The following TXNRD1 variants were observed in gnomAD, a reference collection of about 807,000 sequenced individuals.
The protein encoded by TXNRD1 is thioredoxin reductase 1.
Under a neutral mutation model 80.3 loss-of-function variants are expected in TXNRD1, and 57 were observed. That is an observed-to-expected ratio of 0.71 (90% CI 0.57 to 0.89). The LOEUF is 0.89. Among genes scored for constraint, TXNRD1 ranks in the 40% least tolerant of loss-of-function variants. The pLI is 0.00. For missense variants in TXNRD1, 730 were observed against 803.0 expected (o/e 0.91, Z 1.10); for synonymous variants, 291 against 285.2 (o/e 1.02, Z -0.20).
chr12:104,341,998 G>T lies in TXNRD1; in HGVS notation c.1881+2725G>T, dbSNP rs990133222. Among the ~76,000 whole-genome samples, 37 of 152,126 alleles carry T rather than the reference G, an allele frequency of 2.4e-4. 2 individuals are homozygous for T. Among genetic ancestry groups the T allele is most frequent in the Non-Finnish European group, 1.5e-5 (1 of 68,020 alleles). On this transcript the variant is annotated intron_variant, in intron 16 of 16. Transcript: ENST00000525566. ...GAGATACACAGGGCAAGGTGGTTGT[G>T]GGGAGGCGGGGGACAACAGAGCTTC...
rs751247196 is a variant in TXNRD1 at position 104,251,583 on chromosome 12, A to G, written c.148A>G (p.Thr50Ala). 1.2e-6 allele frequency: 2 copies of G among 1,613,958 alleles called. No individual in the cohort carries two copies. The highest frequency in any genetic ancestry group is 1.3e-5 in the African/African-American group (1 of 75,052). Residue 50 changes from threonine to alanine, a missense_variant, in exon 2 of 17, where the codon ACG becomes GCG. Thr to Ala is a moderately conservative substitution (Grantham distance 58). Transcript: ENST00000525566. ...LPENPAGFTS[T>A]ATADSRALLQ... Reference sequence around the variant, plus strand: ...AGAGAACCCAGCAGGATTCACCAGCACGGCCACTGCAGACTCCAGAGCCCT... The same window carrying G: ...AGAGAACCCAGCAGGATTCACCAGCGCGGCCACTGCAGACTCCAGAGCCCT...
At chr12:104,304,014 TC>T (rs2034766590) in intron 4 of TXNRD1, 2 of 1,611,852 alleles carry the variant, frequency 1.2e-6, no homozygotes, top group Admixed American at 1.7e-5. Context: ...GACCCAAAGC[TC>T]CTGGAGCTCA....
At chr12:104,301,352 T>C (rs1296017717) in intron 4 of TXNRD1, among the ~76,000 whole-genome samples, 2 of 152,162 alleles carry the variant, frequency 1.3e-5, no homozygotes, top group African/African-American at 4.8e-5. Context: ...TGAATTTTTT[T>C]TTTGAGATGG....
At chr12:104,310,312 G>A (rs2035090907) in intron 4 of TXNRD1, among the ~76,000 whole-genome samples, 1 of 152,050 alleles carries the variant, frequency 6.6e-6, no homozygotes, top group African/African-American at 2.4e-5. Flanking sequence ...ACTACACCTG[G>A]CTAATTTTTG....
At chr12:104,325,529 G>A in intron 11 of TXNRD1, 100 bp downstream of exon 11, 1 of 850,974 alleles carries the variant, frequency 1.2e-6, no homozygotes, top group Non-Finnish European at 1.9e-6. Context: ...ATTTCCAAAT[G>A]TACTGGTTCT....
chr12:104,226,323 A>C (rs1452096264), intron 1 of TXNRD1, among the ~76,000 whole-genome samples: 3 of 152,236 alleles, frequency 2.0e-5, no homozygotes, highest in Non-Finnish European at 4.4e-5. Context: ...CTTAGGTTGT[A>C]GATGCTGAAC....
At chr12:104,346,027 A>G in intron 16 of TXNRD1, 1 of 1,283,520 alleles carries the variant, frequency 7.8e-7, no homozygotes, top group Non-Finnish European at 1.0e-6. Flanking sequence ...AGTTTTTTTC[A>G]TTTATTTGAG....
chr12:104,233,528 T>C (rs954367098), intron 1 of TXNRD1, among the ~76,000 whole-genome samples: 4 of 152,184 alleles, frequency 2.6e-5, no homozygotes, highest in Admixed American at 6.5e-5. Flanking sequence ...TATACCTTAC[T>C]CATTTTTTTC....
Position 104,267,647 on chromosome 12 carries a change from A to ATCTTTCCTTCTT in TXNRD1, c.304+9574_304+9575insCTTCTTTCTTTC, listed in dbSNP as rs1555209253. The stretch of plus-strand genomic sequence containing the variant: ...GATAGGTGTTCCTAGATGTGATGGT[A>ATCTTTCCTTCTT]TCTTTCTTTCTTTCTTTCTTTCTTT... On this transcript the variant is annotated intron_variant, in intron 3 of 16. Coordinates refer to ENST00000525566, the MANE Select transcript of TXNRD1 (RefSeq NM_001093771.3). Among the ~76,000 whole-genome samples the ATCTTTCCTTCTT allele has an allele frequency of 2.2e-3, 304 of 140,448 alleles. 3 individuals are homozygous for ATCTTTCCTTCTT. The highest frequency in any genetic ancestry group is 5.5e-3 in the South Asian group (23 of 4,214). The allele number at this position is 140,448 out of a possible 152,430, so 92.1% of individuals were successfully genotyped here. A position where few individuals can be genotyped will look rare whatever the true frequency, so the allele number is the denominator to read the frequency against.
intron 3 of TXNRD1, among the ~76,000 whole-genome samples, chr12:104,287,768 G>C (rs897893391): frequency 1.3e-5 from 2 of 152,170 alleles, no homozygotes; most frequent in Non-Finnish European, 2.9e-5. Context: ...CACATTGCCT[G>C]GGTTTGAATC....
chr12:104,331,753 A>C lies in TXNRD1; in HGVS notation c.1650+112A>C, dbSNP rs1327436450. On this transcript the variant is annotated intron_variant, in intron 14 of 16. Coordinates refer to ENST00000525566, the MANE Select transcript of TXNRD1 (RefSeq NM_001093771.3). ...TACAAAGCATTTTCATATACCCGTT[A>C]TCCAGATTCATATATTACTAACATT... is the stretch of plus-strand genomic sequence containing the variant. 3 of 661,426 alleles carry C rather than the reference A, an allele frequency of 4.5e-6. No individual in the cohort carries two copies. The East Asian group carries it at 8.4e-5, about 18-fold the overall frequency. 41.0% of individuals were successfully genotyped at this position (661,426 alleles called of 1,614,324 possible).
chr12:104,243,513 A>G (rs1228574041), intron 1 of TXNRD1, among the ~76,000 whole-genome samples: 2 of 152,122 alleles, frequency 1.3e-5, no homozygotes, highest in Non-Finnish European at 2.9e-5. Flanking sequence ...GGTTGAATAT[A>G]ATATTGTAAT....
chr12:104,288,748 A>G (rs901353388), intron 3 of TXNRD1, 183 bp from the exon 4 acceptor site: 1 of 1,476,334 alleles, frequency 6.8e-7, no homozygotes, highest in Non-Finnish European at 9.0e-7. Context: ...TCAGACTCCA[A>G]GCTTGATTGT....
chr12:104,291,052 T>TCCGGCC (rs1213114763), intron 4 of TXNRD1: 1 of 688,218 alleles, frequency 1.5e-6, no homozygotes, highest in South Asian at 1.5e-5. Context: ...CAAGCGATCA[T>TCCGGCC]CCGGCCTCGG....
chr12:104,224,519 G>T (rs1368888554), intron 1 of TXNRD1, among the ~76,000 whole-genome samples: 1 of 152,028 alleles, frequency 6.6e-6, no homozygotes, highest in Non-Finnish European at 1.5e-5. Flanking sequence ...CTCCCGAGTA[G>T]CTGGGATTAC....
At chr12:104,288,240 C>T (rs183170885) in intron 3 of TXNRD1, among the ~76,000 whole-genome samples, 2 of 152,188 alleles carry the variant, frequency 1.3e-5, no homozygotes. Flanking sequence ...CCACCCGCCT[C>T]GGCCTCCCAA....
intron 1 of TXNRD1, among the ~76,000 whole-genome samples, chr12:104,237,627 AATCTT>A (rs2032766735): frequency 6.6e-6 from 1 of 152,154 alleles, no homozygotes; most frequent in African/African-American, 2.4e-5. Flanking sequence ...GCAAATGAAA[AATCTT>A]AACAAGTGCT....
At chr12:104,301,631 C>T (rs2034630481) in intron 4 of TXNRD1, among the ~76,000 whole-genome samples, 1 of 152,230 alleles carries the variant, frequency 6.6e-6, no homozygotes, top group Non-Finnish European at 1.5e-5. Flanking sequence ...GCCACCGTGC[C>T]CGGCTGCTTT....
chr12:104,243,089 T>A (rs2032908337), intron 1 of TXNRD1, among the ~76,000 whole-genome samples: 1 of 152,232 alleles, frequency 6.6e-6, no homozygotes, highest in African/African-American at 2.4e-5. Flanking sequence ...GTCCTTTTTA[T>A]AGCACTTAAG....
Sources: allele counts gnomAD v4.1 joint callset (sites outside exome capture counted in the v4.1 genomes callset), GRCh38; gene constraint gnomAD v4.1.1; transcripts MANE v1.5; gene names NCBI Gene and HGNC (gene_info 2026-07-23, HGNC 2026-07-21).